Variants in ABCA1 observed in about 807,000 individuals in gnomAD.
The protein encoded by ABCA1 is phospholipid-transporting ATPase ABCA1.
Under a neutral mutation model 262.5 loss-of-function variants are expected in ABCA1, and 133 were observed. The observed-to-expected ratio is 0.51, with a 90% CI of 0.44 to 0.59. The LOEUF (loss-of-function observed/expected upper bound fraction) is 0.59. Among genes scored for constraint, ABCA1 ranks in the 20% least tolerant of loss-of-function variants. The probability of loss-of-function intolerance (pLI) is 0.00; values close to 1 mark genes in which losing one functional copy is unlikely to be tolerated. For missense variants in ABCA1, 2,452 were observed against 2,777.5 expected (o/e 0.88, Z 2.63); for synonymous variants, 1,022 against 1,043.5 (o/e 0.98, Z 0.40).
chr9:104,796,455 C>T (rs770686062), intron 37 of ABCA1, 31 bp from the exon 38 acceptor site: 2 of 1,555,022 alleles, frequency 1.3e-6, no homozygotes, highest in Non-Finnish European at 1.8e-6. Flanking sequence ...ATCCAGTTCA[C>T]CCCTAAATCA....
chr9:104,805,836 G>T (rs1830711801), intron 31 of ABCA1, among the ~76,000 whole-genome samples: 1 of 152,246 alleles, frequency 6.6e-6, no homozygotes, highest in Non-Finnish European at 1.5e-5. Context: ...TGGGCGTAGT[G>T]GCTCACGCCT....
chr9:104,880,205 C>T (rs1588488973), intron 5 of ABCA1, among the ~76,000 whole-genome samples: 1 of 152,276 alleles, frequency 6.6e-6, no homozygotes, highest in South Asian at 2.1e-4. Context: ...CTGGGAGAGA[C>T]AGCACAGGAG....
chr9:104,872,916 T>C (rs910098948), intron 5 of ABCA1, among the ~76,000 whole-genome samples: 13 of 152,404 alleles, frequency 8.5e-5, no homozygotes, highest in South Asian at 2.1e-4. Context: ...TTGTGTTTTC[T>C]ATTCTTGTCT....
chr9:104,813,481 G>A (rs1270216811), intron 27 of ABCA1, among the ~76,000 whole-genome samples: 2 of 152,020 alleles, frequency 1.3e-5, no homozygotes, highest in Admixed American at 6.6e-5. Context: ...TGGCGCAACC[G>A]TGGCTGACTG....
rs564764153 is a variant in ABCA1, at chr9:104,785,453, C to G, written c.6588G>C (p.Gln2196His). Residue 2196 changes from glutamine to histidine, a missense_variant, in exon 49 of 50, where the codon CAG becomes CAC. By Grantham distance (24) the Gln-to-His change is conservative. Coordinates refer to ENST00000374736, the MANE Select transcript of ABCA1 (RefSeq NM_005502.4). ...SLARIFSILSQSKKRLHIEDY... is the reference protein window; with the variant it reads ...SLARIFSILSHSKKRLHIEDY... The stretch of plus-strand genomic sequence containing the variant: ...CTTCTATGTGGAGTCGCTTTTTGCT[C>G]TGGGAGAGGATGCTGAATATCCTGG... 292 of 1,580,968 alleles carry G rather than the reference C, an allele frequency of 1.8e-4. No individual in the cohort carries two copies. The highest frequency in any genetic ancestry group is 2.1e-4 in the Non-Finnish European group (244 of 1,160,330).
At chr9:104,901,533 G>A (rs1418165506) in intron 2 of ABCA1, among the ~76,000 whole-genome samples, 1 of 152,178 alleles carries the variant, frequency 6.6e-6, no homozygotes, top group Non-Finnish European at 1.5e-5. Context: ...GAAGGGGCAG[G>A]AGCCCTGGAT....
chr9:104,913,866 G>A (rs1416221343), intron 1 of ABCA1, among the ~76,000 whole-genome samples: 1 of 152,142 alleles, frequency 6.6e-6, no homozygotes, highest in Non-Finnish European at 1.5e-5. Flanking sequence ...CGCGATCTCG[G>A]CTCACTGCAA....
chr9:104,785,431 C>T lies in ABCA1; in HGVS notation c.6610G>A (p.Glu2204Lys). ...GTTGTCTGAGAAACAGAGTAGTCTT[C>T]TATGTGGAGTCGCTTTTTGCTCTGG... Reference protein sequence around the residue: ...LSQSKKRLHIEDYSVSQTTLD... With the variant: ...LSQSKKRLHIKDYSVSQTTLD... The change falls in exon 49 of 50, where the codon GAA becomes AAA. Residue 2204 changes from glutamate to lysine, a missense_variant. This residue lies in a region of ABCA1 where 752 missense variants were observed against 944.5 expected (regional missense o/e 0.80). Coordinates refer to ENST00000374736, the MANE Select transcript of ABCA1 (RefSeq NM_005502.4). 1.2e-6 allele frequency: 2 copies of T among 1,614,060 alleles called. No homozygotes were observed. Among genetic ancestry groups the T allele is most frequent in the Non-Finnish European group, 1.7e-6 (2 of 1,179,958 alleles).
At chr9:104,895,389 A>G (rs1259166420) in intron 2 of ABCA1, among the ~76,000 whole-genome samples, 2 of 152,154 alleles carry the variant, frequency 1.3e-5, no homozygotes. Context: ...AGACTCTCCT[A>G]TGAATTCTAC....
intron 39 of ABCA1, among the ~76,000 whole-genome samples, chr9:104,794,973 G>A (rs960303012): frequency 7.9e-5 from 12 of 152,172 alleles, no homozygotes; most frequent in Admixed American, 5.2e-4. Context: ...GGGGCTATAC[G>A]CTGGATGCAC....
Position 104,817,361 on chromosome 9 carries a change from C to T in ABCA1, c.3506G>A (p.Ser1169Asn), listed in dbSNP as rs1469204029. 1 of 1,614,094 alleles carries T rather than the reference C, an allele frequency of 6.2e-7. No homozygotes were observed. The highest frequency in any genetic ancestry group is 8.5e-7 in the Non-Finnish European group (1 of 1,180,048). ...SQSSSDAGLG[S>N]DHESDTLTID... Reference sequence around the variant, plus strand: ...GGTCAGCGTGTCACTCTCATGGTCGCTGCCCAGGCCAGCATCAGAACTGCT... The same window carrying T: ...GGTCAGCGTGTCACTCTCATGGTCGTTGCCCAGGCCAGCATCAGAACTGCT... Residue 1169 changes from serine (S) to asparagine (N), a missense_variant, in exon 24 of 50, where the codon AGC becomes AAC. Transcript: ENST00000374736. This position sits in a 1 kb window ranked among gnomAD's most constrained non-coding sequence, Gnocchi z 4.7.
chr9:104,871,016 T>C (rs1279474782), intron 5 of ABCA1, among the ~76,000 whole-genome samples: 1 of 152,204 alleles, frequency 6.6e-6, no homozygotes, highest in African/African-American at 2.4e-5. Flanking sequence ...TTTGTGATTC[T>C]TCAGTTACTT....
At chr9:104,848,286 C>T (rs547185620) in intron 7 of ABCA1, among the ~76,000 whole-genome samples, 6 of 152,112 alleles carry the variant, frequency 3.9e-5, no homozygotes, top group Non-Finnish European at 7.4e-5. Flanking sequence ...GTTTGGGGAG[C>T]TACTGTATCA....
At chr9:104,890,534 T>C (rs1839628278) in intron 2 of ABCA1, among the ~76,000 whole-genome samples, 1 of 152,018 alleles carries the variant, frequency 6.6e-6, no homozygotes, top group Non-Finnish European at 1.5e-5. Flanking sequence ...TGAGCTGAGA[T>C]TGTGCCACTG....
At chr9:104,893,421 C>CA (rs34544647) in intron 2 of ABCA1, among the ~76,000 whole-genome samples, 1,084 of 35,010 alleles carry the variant, frequency 0.031, 261 homozygotes, top group East Asian at 0.077. Flanking sequence ...GACTTCACCT[C>CA]AAAAAAAAAA....
chr9:104,834,279 A>G lies in ABCA1; in HGVS notation c.1312-1508T>C, dbSNP rs1833601485. ...TTCTTTAAAATTATTTCAGTAGGCT[A>G]CATCCCTGGGGGTGGGTGGAATGGA... On this transcript the variant is annotated intron_variant, in intron 11 of 49. Transcript: ENST00000374736. 3.3e-5 allele frequency among the ~76,000 whole-genome samples: 5 copies of G among 149,790 alleles called. 1 individual carries two copies. The South Asian group carries it at 1.1e-3, about 32-fold the overall frequency.
At chr9:104,795,776 G>T (rs1456760038) in intron 39 of ABCA1, among the ~76,000 whole-genome samples, 1 of 152,154 alleles carries the variant, frequency 6.6e-6, no homozygotes, top group Admixed American at 6.5e-5. Flanking sequence ...GTGTAAAGTG[G>T]AAGGCAGAGG....
chr9:104,861,183 T>G (rs1266272908), intron 6 of ABCA1, among the ~76,000 whole-genome samples: 3 of 152,134 alleles, frequency 2.0e-5, no homozygotes, highest in African/African-American at 7.2e-5. Context: ...CAGGGACTGA[T>G]CTCCTATTTA....
chr9:104,817,465 C>T lies in ABCA1; in HGVS notation c.3463-61G>A, dbSNP rs1831874194. The stretch of plus-strand genomic sequence containing the variant: ...ACGGAGCAAGGCAGAGCCACCAGCA[C>T]CTTCGCCGGGGAGGGCTTCCAAGAA... On this transcript the variant is annotated intron_variant, in intron 23 of 49. Coordinates refer to ENST00000374736, the MANE Select transcript of ABCA1 (RefSeq NM_005502.4). This position sits in a 1 kb window ranked among gnomAD's most constrained non-coding sequence, Gnocchi z 4.7. 9 of 1,574,830 alleles carry T rather than the reference C, an allele frequency of 5.7e-6. No homozygotes were observed. Among genetic ancestry groups the T allele is most frequent in the Admixed American group, 5.0e-5 (3 of 59,538 alleles).
Sources: allele counts gnomAD v4.1 joint callset (sites outside exome capture counted in the v4.1 genomes callset), GRCh38; gene constraint gnomAD v4.1.1; regional missense constraint gnomAD v4.1.1; non-coding constraint Gnocchi (gnomAD v3.1); transcripts MANE v1.5; gene names NCBI Gene and HGNC (gene_info 2026-07-23, HGNC 2026-07-21).